The following CFAP100 variants were observed in gnomAD, a reference collection of about 807,000 sequenced individuals.
CFAP100 encodes the protein cilia and flagella associated protein 100, also known as cilia- and flagella-associated protein 100.
Under a neutral mutation model 81.5 loss-of-function variants are expected in CFAP100, and 70 were observed. The ratio of observed to expected loss-of-function variants is 0.86; its 90% CI spans 0.71 to 1.05. The LOEUF is 1.05. Ranked by LOEUF, CFAP100 falls within the 50% of genes least tolerant of loss-of-function variation. The probability of loss-of-function intolerance (pLI) is 0.00; values close to 1 mark genes in which losing one functional copy is unlikely to be tolerated. For missense variants in CFAP100, 811 were observed against 776.5 expected (o/e 1.04, Z -0.53); for synonymous variants, 341 against 314.8 (o/e 1.08, Z -0.88).
At chr3:126,419,592 A>T in intron 8 of CFAP100, 45 bp from the exon 9 acceptor site, 1 of 1,583,810 alleles carries the variant, frequency 6.3e-7, no homozygotes, top group East Asian at 2.2e-5. Context: ...GCTGTGGCAG[A>T]GGCTGACCTC....
chr3:126,417,262 G>T (rs1191283634), intron 5 of CFAP100, among the ~76,000 whole-genome samples: 1 of 151,592 alleles, frequency 6.6e-6, no homozygotes, highest in Non-Finnish European at 1.5e-5. Context: ...GGATTGTGGG[G>T]ATTGAATGTG....
Position 126,434,084 on chromosome 3 carries a change from C to A in CFAP100, c.1423-92C>A. On this transcript the variant is annotated intron_variant, in intron 14 of 16. Transcript: ENST00000352312. ...ACTGTGTGCCAAGCGGTGGCCCCCACCCTGGGAGGTCAGCAGGCCACCGCT... is the reference window on the plus strand; with the variant it reads ...ACTGTGTGCCAAGCGGTGGCCCCCAACCTGGGAGGTCAGCAGGCCACCGCT... 3 of 1,137,714 alleles carry A rather than the reference C, an allele frequency of 2.6e-6. No homozygotes were observed. The South Asian group carries it at 4.4e-5, about 17-fold the overall frequency. The allele number at this position is 1,137,714 out of a possible 1,614,324, so 70.5% of individuals were successfully genotyped here. A position where few individuals can be genotyped will look rare whatever the true frequency, so the allele number is the denominator to read the frequency against.
chr3:126,434,696 G>C (rs1933376999), intron 15 of CFAP100: 1 of 309,892 alleles, frequency 3.2e-6, no homozygotes, highest in Non-Finnish European at 6.1e-6. Flanking sequence ...TCAAATACAT[G>C]GAACAGCAGT....
At chr3:126,401,802 C>A (rs1034102622) in intron 2 of CFAP100, among the ~76,000 whole-genome samples, 2 of 152,094 alleles carry the variant, frequency 1.3e-5, no homozygotes, top group Non-Finnish European at 2.9e-5. Context: ...CCCTGCCAAA[C>A]CCTGGTCCTT....
At chr3:126,414,045 G>A (rs1276761463) in intron 3 of CFAP100, 40 bp from the exon 4 acceptor site, 1 of 1,464,082 alleles carries the variant, frequency 6.8e-7, no homozygotes, top group South Asian at 1.1e-5. Context: ...CCGCCTGGAA[G>A]AGCTGGCTCC....
rs748542005 is a variant in CFAP100 at position 126,416,369 on chromosome 3, G to A, written c.279G>A (p.Ser93=). The change falls in exon 5 of 17, where the codon TCG becomes TCA. Residue 93 remains serine (S), a synonymous_variant. Coordinates refer to ENST00000352312, the MANE Select transcript of CFAP100 (RefSeq NM_182628.3). ...MRVHQKMTYS[S]KVSAKHTSLR... is the part of the protein sequence containing the mutation. Reference sequence around the variant, plus strand: ...TGCACCAGAAGATGACCTACTCCTCGAAAGTGTCGGCTAAGCACACCAGCC... The same window carrying A: ...TGCACCAGAAGATGACCTACTCCTCAAAAGTGTCGGCTAAGCACACCAGCC... 6.2e-7 allele frequency: 1 copy of A among 1,611,256 alleles called. No individual in the cohort carries two copies. The highest frequency in any genetic ancestry group is 1.1e-5 in the South Asian group (1 of 90,860).
intron 13 of CFAP100, among the ~76,000 whole-genome samples, chr3:126,429,552 G>A (rs1933107432): frequency 6.8e-6 from 1 of 148,024 alleles, no homozygotes; most frequent in Non-Finnish European, 1.5e-5. Context: ...TGGGTTTGAT[G>A]TTTTTGTTTT....
chr3:126,399,448 G>C (rs940526832), intron 2 of CFAP100, among the ~76,000 whole-genome samples: 2 of 152,202 alleles, frequency 1.3e-5, no homozygotes, highest in African/African-American at 4.8e-5. Flanking sequence ...GACTGAAAAG[G>C]AGGAAGTAAA....
At position 126,433,487 on chromosome 3, in the gene CFAP100, G is replaced by A. The variant is rs56124025; in HGVS notation, c.1422+283G>A. ...TGTGTCTGGCAAGGTGATCCTGAAG[G>A]GGGGGAAGAGGCGTGTCCTCAAGCC... On this transcript the variant is annotated intron_variant, in intron 14 of 16. Transcript: ENST00000352312. 8.0e-6 allele frequency: 3 copies of A among 376,120 alleles called. No homozygotes were observed. In the South Asian group the frequency reaches 1.1e-4, roughly 14 times the overall value. The allele number at this position is 376,120 out of a possible 1,614,324, so 23.3% of individuals were successfully genotyped here.
chr3:126,427,825 C>T (rs1043767059), intron 13 of CFAP100, among the ~76,000 whole-genome samples: 1 of 152,194 alleles, frequency 6.6e-6, no homozygotes, highest in East Asian at 1.9e-4. Context: ...AAGCATGATG[C>T]TGGCAGCTGC....
intron 12 of CFAP100, 37 bp downstream of exon 12, chr3:126,423,413 G>C (rs769791789): frequency 8.7e-6 from 14 of 1,608,572 alleles, no homozygotes. Flanking sequence ...TTCGGAAGTC[G>C]CCCCTCTCTT....
intron 13 of CFAP100, among the ~76,000 whole-genome samples, chr3:126,426,683 G>C (rs1932955818): frequency 2.0e-5 from 3 of 152,188 alleles, no homozygotes; most frequent in Non-Finnish European, 4.4e-5. Context: ...TTGGGAGGCG[G>C]AGGTTGCAGT....
intron 3 of CFAP100, among the ~76,000 whole-genome samples, chr3:126,412,914 A>G (rs1358929072): frequency 3.3e-5 from 5 of 152,214 alleles, no homozygotes; most frequent in Admixed American, 1.3e-4. Flanking sequence ...TAAATCACAG[A>G]AAGTCCCCAG....
rs752596545 is a variant in CFAP100 at position 126,436,385 on chromosome 3, T to C, written c.1817T>C (p.Leu606Pro). 6.2e-7 allele frequency: 1 copy of C among 1,613,856 alleles called. No homozygotes were observed. The highest frequency in any genetic ancestry group is 8.5e-7 in the Non-Finnish European group (1 of 1,179,752). The part of the protein sequence containing the change: ...HTLMDKEEEE[L>P]LFFFT The stretch of plus-strand genomic sequence containing the variant: ...CTGATGGACAAGGAGGAGGAGGAGC[T>C]GCTATTTTTCTTTACTTAATCTTCG... Residue 606 changes from leucine (L) to proline (P), a missense_variant, in exon 17 of 17, where the codon CTG (leucine) becomes CCG (proline). By Grantham distance (98) the Leu-to-Pro change is moderately conservative. Transcript: ENST00000352312.
At chr3:126,429,060 G>A (rs972545960) in intron 13 of CFAP100, among the ~76,000 whole-genome samples, 3 of 132,908 alleles carry the variant, frequency 2.3e-5, no homozygotes, top group African/African-American at 5.8e-5. Flanking sequence ...AGTGAGCCAA[G>A]ATTGTGCCAC....
chr3:126,435,466 G>C, intron 15 of CFAP100, 93 bp from the exon 16 acceptor site: 1 of 983,880 alleles, frequency 1.0e-6, no homozygotes, highest in Non-Finnish European at 1.5e-6. Context: ...GTTTTCTTGA[G>C]GGAGGACACG....
intron 15 of CFAP100, 35 bp downstream of exon 15, chr3:126,434,416 C>T (rs73191831): frequency 0.036 from 56,718 of 1,587,920 alleles, 1,396 homozygotes; most frequent in Admixed American, 0.11. Flanking sequence ...GCTGCTGTGT[C>T]CTGGCTGGCC....
intron 8 of CFAP100, 68 bp from the exon 9 acceptor site, chr3:126,419,569 G>A: frequency 1.4e-6 from 2 of 1,464,448 alleles, no homozygotes; most frequent in Non-Finnish European, 1.9e-6. Context: ...GGTGGCCCCG[G>A]CATGGGGACC....
At chr3:126,414,036 C>A (rs776088586) in intron 3 of CFAP100, 49 bp from the exon 4 acceptor site, 6 of 1,388,446 alleles carry the variant, frequency 4.3e-6, no homozygotes, top group Non-Finnish European at 5.1e-6. Flanking sequence ...CAGAGACCAC[C>A]GCCTGGAAGA....
Sources: gnomAD v4.1 joint callset for allele counts (sites outside exome capture counted in the v4.1 genomes callset) on GRCh38, gnomAD v4.1.1 for gene constraint, MANE v1.5 for transcripts, NCBI Gene and HGNC (gene_info 2026-07-23, HGNC 2026-07-21) for gene names.